The following FLI1 variants were observed in gnomAD, a reference collection of about 807,000 sequenced individuals.
FLI1 encodes Fli-1 proto-oncogene, ETS transcription factor.
In FLI1, 13 loss-of-function variants were observed where a neutral mutation model predicts 53.1. The observed-to-expected ratio is 0.24, with a 90% CI of 0.16 to 0.39. The LOEUF (loss-of-function observed/expected upper bound fraction) is 0.39, where lower values mean the gene tolerates loss of function less well. Ranked by LOEUF, FLI1 falls within the 10% of genes least tolerant of loss-of-function variation. The probability of loss-of-function intolerance (pLI) is 1.00; values close to 1 mark genes in which losing one functional copy is unlikely to be tolerated. For missense variants in FLI1, 424 were observed against 600.5 expected, an observed-to-expected ratio of 0.71 and a Z score of 3.07; for synonymous variants, 244 against 236.7, an observed-to-expected ratio of 1.03 and a Z score of -0.28.
intron 1 of FLI1, among the ~76,000 whole-genome samples, chr11:128,746,774 A>C (rs573343583): frequency 2.6e-4 from 40 of 152,248 alleles, no homozygotes; most frequent in African/African-American, 8.7e-4. Context: ...GGGAAGTCTG[A>C]CCATTTATCA....
intron 5 of FLI1, among the ~76,000 whole-genome samples, chr11:128,788,499 G>A (rs1195793463): frequency 2.0e-5 from 3 of 151,940 alleles, no homozygotes; most frequent in Non-Finnish European, 4.4e-5. Flanking sequence ...AACTATTTAG[G>A]GAGACACACC....
At chr11:128,745,951 A>T (rs1591774599) in intron 1 of FLI1, among the ~76,000 whole-genome samples, 1 of 152,234 alleles carries the variant, frequency 6.6e-6, no homozygotes, top group African/African-American at 2.4e-5. Context: ...GCTTCTAGGA[A>T]TAGGACCTCA....
chr11:128,687,586 C>G (rs1937602460), intron 1 of FLI1, among the ~76,000 whole-genome samples: 1 of 152,156 alleles, frequency 6.6e-6, no homozygotes, highest in Non-Finnish European at 1.5e-5. Context: ...CCTGAAGCCC[C>G]GCCTCCAAGT....
intron 5 of FLI1, chr11:128,804,893 T>C (rs2135914265): frequency 6.6e-6 from 1 of 152,662 alleles, no homozygotes; most frequent in South Asian, 2.1e-4. Flanking sequence ...AGGATTTTGC[T>C]ACAGAACTAT....
At chr11:128,713,199 A>C (rs1463059302) in intron 1 of FLI1, among the ~76,000 whole-genome samples, 1 of 152,244 alleles carries the variant, frequency 6.6e-6, no homozygotes, top group Non-Finnish European at 1.5e-5. Context: ...GAAGCACTGT[A>C]GTCCTGCTTC....
At chr11:128,777,776 G>A (rs937696015) in intron 4 of FLI1, among the ~76,000 whole-genome samples, 1 of 152,256 alleles carries the variant, frequency 6.6e-6, no homozygotes, top group Non-Finnish European at 1.5e-5. Flanking sequence ...CTGTGAGGGG[G>A]CACTGGTGAA....
intron 1 of FLI1, among the ~76,000 whole-genome samples, chr11:128,746,506 A>G (rs1007880692): frequency 1.4e-4 from 22 of 152,074 alleles, no homozygotes; most frequent in Admixed American, 1.4e-3. Flanking sequence ...TCCCTTTGTC[A>G]CGCAGAGTCC....
At chr11:128,761,465 T>C (rs1237814668) in intron 2 of FLI1, among the ~76,000 whole-genome samples, 1 of 152,184 alleles carries the variant, frequency 6.6e-6, no homozygotes, top group African/African-American at 2.4e-5. Flanking sequence ...TGAGAACACA[T>C]GGCTGAGCAG....
intron 5 of FLI1, among the ~76,000 whole-genome samples, chr11:128,792,731 C>T (rs1468734885): frequency 6.6e-6 from 1 of 151,962 alleles, no homozygotes; most frequent in Non-Finnish European, 1.5e-5. Context: ...GTGTTTAATA[C>T]TACATTTAAG....
At chr11:128,722,843 G>A (rs958085152) in intron 1 of FLI1, among the ~76,000 whole-genome samples, 2 of 152,148 alleles carry the variant, frequency 1.3e-5, no homozygotes, top group Non-Finnish European at 2.9e-5. Context: ...ACCGCGGGGT[G>A]GGGGAGAATC....
intron 1 of FLI1, among the ~76,000 whole-genome samples, chr11:128,715,511 A>C (rs1409688721): frequency 6.6e-6 from 1 of 152,250 alleles, no homozygotes; most frequent in Non-Finnish European, 1.5e-5. Context: ...CCATGGGACT[A>C]CCAGGACCGA....
chr11:128,718,855 G>A (rs1242208033), intron 1 of FLI1, among the ~76,000 whole-genome samples: 3 of 152,216 alleles, frequency 2.0e-5, no homozygotes, highest in Admixed American at 1.3e-4. Context: ...GCTGAGGTTA[G>A]ACTCAGTGGA....
chr11:128,697,827 A>T (rs1282806625), intron 1 of FLI1, among the ~76,000 whole-genome samples: 2 of 152,084 alleles, frequency 1.3e-5, no homozygotes, highest in Non-Finnish European at 2.9e-5. Context: ...AGGATAAAAC[A>T]GGGGTCAAAA....
At chr11:128,698,733 T>TGTGTGTGTGTGTGTGTGAGA (rs766077047) in intron 1 of FLI1, among the ~76,000 whole-genome samples, 28 of 133,726 alleles carry the variant, frequency 2.1e-4, no homozygotes, top group African/African-American at 4.1e-4. Context: ...TGTGTGTGTG[T>TGTGTGTGTGTGTGTGTGAGA]GAGAGAGAGA....
At chr11:128,764,218 C>T (rs1941242569) in intron 2 of FLI1, among the ~76,000 whole-genome samples, 1 of 152,190 alleles carries the variant, frequency 6.6e-6, no homozygotes, top group Non-Finnish European at 1.5e-5. Context: ...CTCCCTTCAT[C>T]CAAACACCCA....
At chr11:128,693,941 CGA>C (rs57930585), upstream of FLI1, 11,931 of 171,746 alleles carry the variant, frequency 0.069, 202 homozygotes, top group Non-Finnish European at 0.073. Context: ...GAGCTCGAGG[CGA>C]GAGAGAGAGA....
At chr11:128,775,080 A>G (rs1191377976) in intron 4 of FLI1, among the ~76,000 whole-genome samples, 4 of 152,364 alleles carry the variant, frequency 2.6e-5, no homozygotes, top group African/African-American at 9.6e-5. Context: ...TTATTAGTGG[A>G]GCATATTTCC....
At chr11:128,694,576 G>A in intron 1 of FLI1, among the ~76,000 whole-genome samples, 1 of 416 alleles carries the variant, frequency 2.4e-3, no homozygotes, top group East Asian at 0.25. Context: ...GAAACCGGGG[G>A]ACCCCAGGGT....
At chr11:128,729,781 G>A (rs1380599645) in intron 1 of FLI1, among the ~76,000 whole-genome samples, 1 of 152,202 alleles carries the variant, frequency 6.6e-6, no homozygotes, top group Non-Finnish European at 1.5e-5. Context: ...GCATGTCCCA[G>A]GTACTGGCTG....
Sources: gnomAD v4.1 joint callset for allele counts (sites outside exome capture counted in the v4.1 genomes callset) on GRCh38, gnomAD v4.1.1 for gene constraint, MANE v1.5 for transcripts, NCBI Gene and HGNC (gene_info 2026-07-23, HGNC 2026-07-21) for gene names.